Variants in CPVL observed in about 807,000 individuals in gnomAD.
CPVL encodes the protein carboxypeptidase vitellogenic like.
CPVL carries 51 observed loss-of-function variants against 63.7 expected under a neutral mutation model. That is an observed-to-expected ratio of 0.80 (90% CI 0.64 to 1.01). The LOEUF is 1.01. Among genes scored for constraint, CPVL ranks in the 50% least tolerant of loss-of-function variants. The probability of loss-of-function intolerance (pLI) is 0.00; values close to 1 mark genes in which losing one functional copy is unlikely to be tolerated. For synonymous variants in CPVL, 195 were observed against 206.0 expected, an observed-to-expected ratio of 0.95 and a Z score of 0.46; for missense variants, 530 against 573.1, an observed-to-expected ratio of 0.92 and a Z score of 0.77.
At chr7:29,093,281 G>GCATAAGAAT (rs1438277091) in intron 5 of CPVL, among the ~76,000 whole-genome samples, 1 of 148,412 alleles carries the variant, frequency 6.7e-6, no homozygotes, top group African/African-American at 2.5e-5. Flanking sequence ...GGAGGCTGAG[G>GCATAAGAAT]CATAAGAATC....
intron 12 of CPVL, among the ~76,000 whole-genome samples, chr7:28,999,296 C>A (rs567798942): frequency 6.6e-6 from 1 of 152,304 alleles, no homozygotes; most frequent in African/African-American, 2.4e-5. Flanking sequence ...GATCGTGAGG[C>A]ATCACCTCCA....
chr7:29,034,851 T>C (rs1007949383), intron 11 of CPVL, among the ~76,000 whole-genome samples: 7 of 74,240 alleles, frequency 9.4e-5, no homozygotes, highest in African/African-American at 7.7e-4. Flanking sequence ...GCTTTTATAA[T>C]GGAAAAAAAA....
chr7:29,144,492 T>G (rs1193183601), intron 1 of CPVL, among the ~76,000 whole-genome samples: 2 of 152,070 alleles, frequency 1.3e-5, no homozygotes, highest in African/African-American at 4.8e-5. Flanking sequence ...ACCCGGGAGA[T>G]GGAGGTTGCA....
intron 12 of CPVL, chr7:29,010,837 A>T (rs1785749850): frequency 6.6e-6 from 1 of 152,174 alleles, no homozygotes; most frequent in African/African-American, 2.4e-5. Flanking sequence ...ATCTCAATTC[A>T]TCCTAATAAT....
At chr7:29,134,451 G>A (rs1231585790) in intron 1 of CPVL, among the ~76,000 whole-genome samples, 8 of 151,962 alleles carry the variant, frequency 5.3e-5, no homozygotes, top group Non-Finnish European at 1.5e-5. Flanking sequence ...CCTCCAACTT[G>A]GTAGAAAATC....
intron 5 of CPVL, among the ~76,000 whole-genome samples, chr7:29,158,103 T>C (rs548344262): frequency 6.4e-4 from 98 of 152,106 alleles, no homozygotes; most frequent in Non-Finnish European, 1.1e-3. Context: ...CAAATTCCCA[T>C]CTCCACTGAA....
chr7:29,193,794 T>C (rs1394308300), intron 1 of CPVL: 1 of 152,260 alleles, frequency 6.6e-6, no homozygotes, highest in African/African-American at 2.4e-5. Context: ...AATCTTTTTT[T>C]GCAAGGCACG....
intron 3 of CPVL, among the ~76,000 whole-genome samples, chr7:29,099,913 C>T (rs323203): frequency 0.99 from 150,908 of 152,312 alleles, 74,760 homozygotes; most frequent in East Asian, 1. Flanking sequence ...ACAGGATTGC[C>T]TGAAGGCTCT....
chr7:29,030,866 T>G, intron 11 of CPVL, 107 bp from the exon 12 acceptor site: 1 of 926,874 alleles, frequency 1.1e-6, no homozygotes, highest in Non-Finnish European at 1.6e-6. Context: ...GAGACATGAA[T>G]CTCTCTGAGA....
intron 1 of CPVL, among the ~76,000 whole-genome samples, chr7:29,137,350 T>C (rs1273023843): frequency 6.6e-6 from 1 of 152,188 alleles, no homozygotes; most frequent in African/African-American, 2.4e-5. Flanking sequence ...GTCTGATTTA[T>C]ATAGACAAAG....
At chr7:29,109,417 C>G (rs1023046745) in intron 3 of CPVL, among the ~76,000 whole-genome samples, 1 of 152,126 alleles carries the variant, frequency 6.6e-6, no homozygotes, top group African/African-American at 2.4e-5. Flanking sequence ...TCATTTCTCC[C>G]CTGGTGACAA....
chr7:29,036,243 T>C (rs1455579451), intron 11 of CPVL, among the ~76,000 whole-genome samples: 1 of 152,186 alleles, frequency 6.6e-6, no homozygotes, highest in Admixed American at 6.5e-5. Context: ...CAGCCCCTTT[T>C]CTGGACATGA....
chr7:29,077,030 G>A (rs1230258540), intron 7 of CPVL, among the ~76,000 whole-genome samples: 3 of 152,156 alleles, frequency 2.0e-5, no homozygotes, highest in South Asian at 2.1e-4. Flanking sequence ...ACCTGTAATC[G>A]TGTCTTTTGC....
intron 6 of CPVL, among the ~76,000 whole-genome samples, chr7:29,087,400 G>C (rs1037647736): frequency 7.0e-6 from 1 of 143,234 alleles, no homozygotes; most frequent in Non-Finnish European, 1.5e-5. Flanking sequence ...CTCCAGCCTG[G>C]GCAACAGAGT....
intron 6 of CPVL, among the ~76,000 whole-genome samples, chr7:29,088,177 T>C (rs1785401272): frequency 6.6e-6 from 1 of 152,224 alleles, no homozygotes; most frequent in Admixed American, 6.5e-5. Context: ...AATGAAAACA[T>C]AAGACATGGC....
chr7:29,178,372 T>G (rs1385002496), intron 5 of CPVL, among the ~76,000 whole-genome samples: 1 of 152,182 alleles, frequency 6.6e-6, no homozygotes, highest in Non-Finnish European at 1.5e-5. Context: ...GCCTCTGACC[T>G]GGTCTTCCTC....
intron 3 of CPVL, among the ~76,000 whole-genome samples, chr7:29,099,010 A>G (rs1191932720): frequency 6.6e-6 from 1 of 152,212 alleles, no homozygotes; most frequent in Non-Finnish European, 1.5e-5. Flanking sequence ...CATTGCGGTG[A>G]GCCAAGATTG....
At position 29,139,641 on chromosome 7, in the gene CPVL, G is replaced by T. The variant is rs145326058; in HGVS notation, c.-11+6788C>A. Among the ~76,000 whole-genome samples the T allele has an allele frequency of 1.4e-3, 215 of 152,166 alleles. 2 individuals are homozygous for T. The highest frequency in any genetic ancestry group is 0.01 in the Admixed American group (160 of 15,274). ...CAGTGGCTTCCAGCAATTTTTCTCT[G>T]AAACAGACGTCTCGGATTTTGCAGA... On this transcript the variant is annotated intron_variant, in intron 1 of 12. Transcript: ENST00000265394.
At chr7:29,172,706 CCAA>C (rs1796759322) in intron 5 of CPVL, among the ~76,000 whole-genome samples, 2 of 151,994 alleles carry the variant, frequency 1.3e-5, no homozygotes, top group African/African-American at 2.4e-5. Context: ...AGTCATCTGA[CCAA>C]CGATTTCAAG....
Sources: allele counts gnomAD v4.1 joint callset (sites outside exome capture counted in the v4.1 genomes callset), GRCh38; gene constraint gnomAD v4.1.1; transcripts MANE v1.5; gene names NCBI Gene and HGNC (gene_info 2026-07-23, HGNC 2026-07-21).